C12orf42: variants seen among roughly 807,000 people sequenced by gnomAD.
C12orf42 encodes the protein chromosome 12 open reading frame 42.
Under a neutral mutation model 21.6 loss-of-function variants are expected in C12orf42, and 25 were observed. The ratio of observed to expected loss-of-function variants is 1.16; its 90% CI spans 0.84 to 1.62. The LOEUF (loss-of-function observed/expected upper bound fraction) is 1.62, where lower values mean the gene tolerates loss of function less well. Ranked by LOEUF, C12orf42 falls within the 40% of genes most tolerant of loss-of-function variation. The probability of loss-of-function intolerance (pLI) is 0.00; values close to 1 mark genes in which losing one functional copy is unlikely to be tolerated. For synonymous variants in C12orf42, 174 were observed against 175.0 expected, an observed-to-expected ratio of 0.99 and a Z score of 0.05; for missense variants, 483 against 459.3, an observed-to-expected ratio of 1.05 and a Z score of -0.47.
chr12:103,223,954 C>T, the C12orf42 span, among the ~76,000 whole-genome samples: 1 of 152,184 alleles, frequency 6.6e-6, no homozygotes, highest in Non-Finnish European at 1.5e-5. Context: ...ATAAAGTTTT[C>T]ACTGAATACT....
At chr12:103,439,043 C>G (rs1196104209) in intron 2 of C12orf42, among the ~76,000 whole-genome samples, 1 of 152,060 alleles carries the variant, frequency 6.6e-6, no homozygotes. Flanking sequence ...CAGCATGGTA[C>G]TGGTACCAAA....
chr12:103,450,267 C>G (rs1348304997), intron 2 of C12orf42, among the ~76,000 whole-genome samples: 1 of 152,070 alleles, frequency 6.6e-6, no homozygotes. Flanking sequence ...TCAATGTCCA[C>G]CAGTGAAATT....
chr12:103,438,435 G>C (rs959622388), intron 2 of C12orf42, among the ~76,000 whole-genome samples: 15 of 151,874 alleles, frequency 9.9e-5, no homozygotes, highest in African/African-American at 3.4e-4. Context: ...AGAAATAAAG[G>C]GTATTCAATT....
the C12orf42 span, among the ~76,000 whole-genome samples, chr12:103,105,601 A>G: frequency 6.6e-6 from 1 of 152,162 alleles, no homozygotes; most frequent in Non-Finnish European, 1.5e-5. Flanking sequence ...ACCAGGCAAT[A>G]TTCCCATGTA....
downstream of C12orf42, among the ~76,000 whole-genome samples, chr12:103,233,669 C>T (rs1252331420): frequency 6.6e-6 from 1 of 152,118 alleles, no homozygotes; most frequent in East Asian, 1.9e-4. Context: ...ATATATTAAC[C>T]TTCCACCTTG....
At chr12:103,449,634 T>C (rs532066953) in intron 2 of C12orf42, among the ~76,000 whole-genome samples, 78 of 152,166 alleles carry the variant, frequency 5.1e-4, no homozygotes, top group African/African-American at 1.7e-3. Context: ...TTCCATTCCA[T>C]TGGGCTATTT....
chr12:103,122,837 T>C, the C12orf42 span, among the ~76,000 whole-genome samples: 5 of 152,120 alleles, frequency 3.3e-5, no homozygotes, highest in African/African-American at 4.8e-5. Flanking sequence ...TTGGAGGATG[T>C]GGGCAAAGGA....
the C12orf42 span, among the ~76,000 whole-genome samples, chr12:103,135,713 C>G: frequency 6.6e-6 from 1 of 152,066 alleles, no homozygotes; most frequent in East Asian, 1.9e-4. Flanking sequence ...TAGACCATGA[C>G]CAAGGGGGAT....
intron 4 of C12orf42, among the ~76,000 whole-genome samples, chr12:103,360,732 A>G (rs1441263545): frequency 6.6e-6 from 1 of 152,082 alleles, no homozygotes; most frequent in Non-Finnish European, 1.5e-5. Flanking sequence ...TACTCTTTCC[A>G]TAAAACTATC....
the C12orf42 span, among the ~76,000 whole-genome samples, chr12:103,548,304 C>T: frequency 1.3e-5 from 2 of 152,200 alleles, no homozygotes; most frequent in Admixed American, 6.5e-5. Flanking sequence ...CTGAAGATAA[C>T]GCAGATAAGG....
chr12:103,359,721 TCTTG>T (rs1375297047), intron 4 of C12orf42, among the ~76,000 whole-genome samples: 2 of 151,886 alleles, frequency 1.3e-5, no homozygotes, highest in Admixed American at 1.3e-4. Flanking sequence ...TCTGTAATAA[TCTTG>T]CTTATTTATT....
the C12orf42 span, among the ~76,000 whole-genome samples, chr12:103,199,347 T>C: frequency 6.6e-6 from 1 of 152,096 alleles, no homozygotes; most frequent in African/African-American, 2.4e-5. Flanking sequence ...ATAAACACAA[T>C]ATTTGAAACC....
chr12:103,335,806 A>G (rs2041641143), intron 4 of C12orf42, among the ~76,000 whole-genome samples: 1 of 152,266 alleles, frequency 6.6e-6, no homozygotes, highest in Non-Finnish European at 1.5e-5. Flanking sequence ...AGAATAAATG[A>G]GCAGAGGGGT....
the C12orf42 span, among the ~76,000 whole-genome samples, chr12:103,518,069 G>A: frequency 5.7e-3 from 862 of 152,102 alleles, 6 homozygotes; most frequent in Middle Eastern, 0.017. Flanking sequence ...ATTAAAACTC[G>A]TTTATCAGAA....
intron 2 of C12orf42, among the ~76,000 whole-genome samples, chr12:103,406,844 G>GAA (rs368138641): frequency 3.4e-5 from 5 of 148,956 alleles, no homozygotes; most frequent in African/African-American, 9.8e-5. Context: ...AGAGCAAAAA[G>GAA]AAAAAAAAAA....
At chr12:103,294,006 A>G (rs1258925540) in intron 4 of C12orf42, among the ~76,000 whole-genome samples, 2 of 152,170 alleles carry the variant, frequency 1.3e-5, no homozygotes, top group Admixed American at 6.6e-5. Context: ...CAACACATTC[A>G]GCACATAGCA....
At chr12:103,334,144 G>A (rs2041482045) in intron 4 of C12orf42, among the ~76,000 whole-genome samples, 1 of 152,100 alleles carries the variant, frequency 6.6e-6, no homozygotes, top group Admixed American at 6.5e-5. Flanking sequence ...TCCAAGTTGT[G>A]CCTGTACAAT....
At chr12:103,355,028 T>G (rs1387001448) in intron 4 of C12orf42, among the ~76,000 whole-genome samples, 1 of 152,138 alleles carries the variant, frequency 6.6e-6, no homozygotes, top group Non-Finnish European at 1.5e-5. Context: ...CTCAAATATG[T>G]GCGATTACTA....
At chr12:103,315,867 T>A (rs576545529) in intron 4 of C12orf42, among the ~76,000 whole-genome samples, 1 of 150,402 alleles carries the variant, frequency 6.6e-6, no homozygotes, top group Non-Finnish European at 1.5e-5. Context: ...TCTAAGTGGT[T>A]TTACCACAAA....
Sources: allele counts gnomAD v4.1 joint callset (sites outside exome capture counted in the v4.1 genomes callset), GRCh38; gene constraint gnomAD v4.1.1; transcripts MANE v1.5; gene names NCBI Gene and HGNC (gene_info 2026-07-23, HGNC 2026-07-21).